Variants in TXNDC16 observed in about 807,000 individuals in gnomAD.
The protein encoded by TXNDC16 is thioredoxin domain-containing protein 16.
TXNDC16 carries 74 observed loss-of-function variants against 85.6 expected under a neutral mutation model. The ratio of observed to expected loss-of-function variants is 0.86; its 90% CI spans 0.72 to 1.05. TXNDC16 has a LOEUF of 1.05. Among genes scored for constraint, TXNDC16 ranks in the 50% least tolerant of loss-of-function variants. The pLI is 0.00. For missense variants in TXNDC16, 959 were observed against 947.0 expected (o/e 1.01, Z -0.17); for synonymous variants, 335 against 326.5 (o/e 1.03, Z -0.28).
intron 9 of TXNDC16, 92 bp from the exon 10 acceptor site, chr14:52,491,097 GT>G (rs2036394077): frequency 7.3e-7 from 1 of 1,375,088 alleles, no homozygotes; most frequent in Non-Finnish European, 9.6e-7. Context: ...AAAGTCATGA[GT>G]AAAAAAAAGT....
At chr14:52,548,253 G>A (rs112600879) in intron 1 of TXNDC16, among the ~76,000 whole-genome samples, 1 of 152,150 alleles carries the variant, frequency 6.6e-6, no homozygotes, top group Non-Finnish European at 1.5e-5. Context: ...TTTAAAGAAG[G>A]GGTCGGGGGC....
chr14:52,454,628 A>C (rs2035487587), intron 18 of TXNDC16, among the ~76,000 whole-genome samples: 1 of 134,638 alleles, frequency 7.4e-6, no homozygotes. Flanking sequence ...ACATGGTGAA[A>C]CCTTGTGTCT....
chr14:52,484,401 C>A (rs936404017), intron 12 of TXNDC16, among the ~76,000 whole-genome samples: 6 of 152,218 alleles, frequency 3.9e-5, no homozygotes, highest in Admixed American at 1.3e-4. Flanking sequence ...CTAATACAGT[C>A]ACGTACCACA....
intron 8 of TXNDC16, among the ~76,000 whole-genome samples, chr14:52,511,612 T>G (rs950630563): frequency 1.3e-5 from 2 of 152,236 alleles, no homozygotes; most frequent in Middle Eastern, 3.4e-3. Flanking sequence ...ACGAGTTGTA[T>G]AAACAATTTT....
In TXNDC16 at chr14:52,477,610, T is replaced by C. The variant is rs147557320; in HGVS notation, c.1312+4620A>G. Among the ~76,000 whole-genome samples the C allele has an allele frequency of 1.8e-3, 271 of 152,268 alleles. 10 individuals carry two copies. In the East Asian group the frequency reaches 0.049, roughly 27 times the overall value. ...CATTATATAATGATAAAAGGCCTTG[T>C]CCAACAGGAAAATATCACAATCCTA... On this transcript the variant is annotated intron_variant, in intron 14 of 20. Coordinates refer to ENST00000281741, the MANE Select transcript of TXNDC16 (RefSeq NM_020784.3).
At chr14:52,483,976 A>G (rs2036207036) in intron 12 of TXNDC16, among the ~76,000 whole-genome samples, 1 of 152,182 alleles carries the variant, frequency 6.6e-6, no homozygotes, top group African/African-American at 2.4e-5. Flanking sequence ...TAAAGAGCAA[A>G]GAGAATGGCA....
chr14:52,436,084 C>T (rs543345590), intron 20 of TXNDC16, among the ~76,000 whole-genome samples: 50 of 152,218 alleles, frequency 3.3e-4, no homozygotes, highest in African/African-American at 1.2e-3. Flanking sequence ...CAAGACAGTG[C>T]AGTACTAGCA....
At chr14:52,455,276 G>A in intron 18 of TXNDC16, 48 bp downstream of exon 18, 1 of 1,605,142 alleles carries the variant, frequency 6.2e-7, no homozygotes, top group Non-Finnish European at 8.5e-7. Context: ...ACCTTTGACT[G>A]ATCTAGATTT....
chr14:52,491,224 C>T (rs1308376297), intron 9 of TXNDC16, among the ~76,000 whole-genome samples: 1 of 151,962 alleles, frequency 6.6e-6, no homozygotes, highest in East Asian at 1.9e-4. Flanking sequence ...GCTCGCTCAT[C>T]AGGCTGGAGT....
chr14:52,461,411 GTTTGA>G (rs1232816250), intron 16 of TXNDC16, among the ~76,000 whole-genome samples: 2 of 150,062 alleles, frequency 1.3e-5, no homozygotes, highest in Non-Finnish European at 3.0e-5. Context: ...ACAAACATAT[GTTTGA>G]TAATTAATTT....
chr14:52,439,812 T>C (rs1434932671), intron 19 of TXNDC16, among the ~76,000 whole-genome samples: 1 of 152,230 alleles, frequency 6.6e-6, no homozygotes, highest in Non-Finnish European at 1.5e-5. Context: ...CATAGAATTG[T>C]GCCTTTTCTC....
intron 6 of TXNDC16, among the ~76,000 whole-genome samples, chr14:52,536,189 A>T (rs1035895047): frequency 2.0e-5 from 3 of 152,212 alleles, no homozygotes; most frequent in Admixed American, 2.0e-4. Context: ...TAGTGCCCTA[A>T]TAAAAGAGAC....
chr14:52,531,891 T>C (rs1344225062), intron 6 of TXNDC16, among the ~76,000 whole-genome samples: 2 of 152,204 alleles, frequency 1.3e-5, no homozygotes, highest in Non-Finnish European at 1.5e-5. Flanking sequence ...AAATTATATA[T>C]AAAGGAGGAG....
At chr14:52,507,666 C>T (rs1383257347) in intron 9 of TXNDC16, among the ~76,000 whole-genome samples, 5 of 152,286 alleles carry the variant, frequency 3.3e-5, no homozygotes, top group Admixed American at 2.6e-4. Flanking sequence ...TCAAACTATA[C>T]TACAAGGCTA....
intron 16 of TXNDC16, among the ~76,000 whole-genome samples, chr14:52,458,443 G>A (rs2035582342): frequency 6.6e-6 from 1 of 152,280 alleles, no homozygotes; most frequent in East Asian, 1.9e-4. Context: ...TGTAGTCCCA[G>A]CTACTCAGGA....
In TXNDC16 at chr14:52,513,931, T is replaced by C. The variant is rs376194327; in HGVS notation, c.605+949A>G. Reference sequence around the variant, plus strand: ...ATGGAGAATAACAAGGCTTCACCCATTCCAGGATGGGAAATCAGCAGTACA... The same window carrying C: ...ATGGAGAATAACAAGGCTTCACCCACTCCAGGATGGGAAATCAGCAGTACA... On this transcript the variant is annotated intron_variant, in intron 8 of 20. Transcript: ENST00000281741. Among the ~76,000 whole-genome samples, 8 of 152,190 alleles carry C rather than the reference T, an allele frequency of 5.3e-5. 2 individuals carry two copies. In the South Asian group the frequency reaches 8.3e-4, roughly 16 times the overall value.
Position 52,514,806 on chromosome 14 carries a change from T to C in TXNDC16, c.605+74A>G, listed in dbSNP as rs937377337. Reference sequence around the variant, plus strand: ...CCATGCTGTGGGAGCATAATGGAAATGCTAAGTAATGCGAAATAAGTGAAG... The same window carrying C: ...CCATGCTGTGGGAGCATAATGGAAACGCTAAGTAATGCGAAATAAGTGAAG... On this transcript the variant is annotated intron_variant, in intron 8 of 20. Coordinates refer to ENST00000281741, the MANE Select transcript of TXNDC16 (RefSeq NM_020784.3). 19 of 1,088,124 alleles carry C rather than the reference T, an allele frequency of 1.7e-5. No individual in the cohort carries two copies. In the African/African-American group the frequency reaches 2.7e-4, roughly 15 times the overall value. The allele number at this position is 1,088,124 out of a possible 1,614,324, so 67.4% of individuals were successfully genotyped here. A position where few individuals can be genotyped will look rare whatever the true frequency, so the allele number is the denominator to read the frequency against.
chr14:52,491,098 T>G, intron 9 of TXNDC16, 93 bp from the exon 10 acceptor site: 1 of 1,375,780 alleles, frequency 7.3e-7, no homozygotes, highest in Non-Finnish European at 9.6e-7. Flanking sequence ...AAGTCATGAG[T>G]AAAAAAAAGT....
At chr14:52,471,595 T>A (rs1478386109) in intron 14 of TXNDC16, among the ~76,000 whole-genome samples, 2 of 152,156 alleles carry the variant, frequency 1.3e-5, no homozygotes, top group East Asian at 1.9e-4. Context: ...CTATTCATTA[T>A]CTGATCAACG....
Sources: allele counts gnomAD v4.1 joint callset (sites outside exome capture counted in the v4.1 genomes callset), GRCh38; gene constraint gnomAD v4.1.1; transcripts MANE v1.5; gene names NCBI Gene and HGNC (gene_info 2026-07-23, HGNC 2026-07-21).